Variants in DYNC2H1 observed in about 807,000 individuals in gnomAD.
DYNC2H1 encodes dynein cytoplasmic 2 heavy chain 1.
DYNC2H1 carries 410 observed loss-of-function variants against 570.0 expected under a neutral mutation model. The ratio of observed to expected loss-of-function variants is 0.72; its 90% confidence interval spans 0.66 to 0.78. DYNC2H1 has a LOEUF of 0.78. Ranked by LOEUF, DYNC2H1 falls within the 30% of genes least tolerant of loss-of-function variation. The pLI, the probability that DYNC2H1 is intolerant of heterozygous loss-of-function variation, is 0.00. For missense variants in DYNC2H1, 4,865 were observed against 5,046.4 expected, an observed-to-expected ratio of 0.96 and a Z score of 1.09; for synonymous variants, 1,688 against 1,677.6, an observed-to-expected ratio of 1.01 and a Z score of -0.15.
chr11:103,356,181 A>G (rs1292699499), intron 82 of DYNC2H1, among the ~76,000 whole-genome samples: 1 of 152,222 alleles, frequency 6.6e-6, no homozygotes, highest in Admixed American at 6.5e-5. Context: ...TAACTGGCTT[A>G]AAATATGAAA....
chr11:103,468,416 G>A (rs1565626183), intron 87 of DYNC2H1, 173 bp from the exon 88 acceptor site: 2 of 464,798 alleles, frequency 4.3e-6, no homozygotes, highest in East Asian at 6.7e-5. Context: ...AGTTGACAGT[G>A]AACACTAGTC....
At chr11:103,397,673 T>C (rs964492961) in intron 83 of DYNC2H1, among the ~76,000 whole-genome samples, 1 of 152,142 alleles carries the variant, frequency 6.6e-6, no homozygotes, top group Non-Finnish European at 1.5e-5. Context: ...GACAGGTTGA[T>C]CACTTGAGTC....
chr11:103,303,788 G>T (rs1043135193), intron 76 of DYNC2H1, among the ~76,000 whole-genome samples: 5 of 152,098 alleles, frequency 3.3e-5, no homozygotes, highest in African/African-American at 1.2e-4. Context: ...AAGTCTGATG[G>T]TAATTTAAGG....
At position 103,204,099 on chromosome 11, in the gene DYNC2H1, T is replaced by G. The variant is rs533409193; in HGVS notation, c.8311+323T>G. Reference sequence around the variant, plus strand: ...AAGGAGGAGCAAGTCATATTTTACATGGATGGCAGCAAGCAAAGGAGGGCT... The same window carrying G: ...AAGGAGGAGCAAGTCATATTTTACAGGGATGGCAGCAAGCAAAGGAGGGCT... On this transcript the variant is annotated intron_variant, in intron 51 of 88. Transcript: ENST00000375735. The surrounding 1 kb of genome is among the most constrained non-coding windows in gnomAD (Gnocchi z 4.1). Among the ~76,000 whole-genome samples, 142 of 152,150 alleles carry G rather than the reference T, an allele frequency of 9.3e-4. 1 individual carries two copies. The highest frequency in any genetic ancestry group is 3.3e-3 in the African/African-American group (138 of 41,508).
chr11:103,390,486 A>G (rs1283338534), intron 83 of DYNC2H1, among the ~76,000 whole-genome samples: 1 of 152,100 alleles, frequency 6.6e-6, no homozygotes, highest in African/African-American at 2.4e-5. Context: ...TGGAGCATTT[A>G]GCCCATTTAC....
intron 77 of DYNC2H1, among the ~76,000 whole-genome samples, chr11:103,307,517 A>C (rs1379560538): frequency 6.6e-6 from 1 of 152,190 alleles, no homozygotes; most frequent in African/African-American, 2.4e-5. Flanking sequence ...CCCAGTCAAC[A>C]TGACTTTAGA....
At position 103,209,774 on chromosome 11, in the gene DYNC2H1, G is replaced by A; in HGVS notation, c.8455-102G>A. The A allele has an allele frequency of 1.1e-6, 1 of 873,600 alleles. No individual in the cohort carries two copies. The highest frequency in any genetic ancestry group is 1.5e-6 in the Non-Finnish European group (1 of 646,332). 54.1% of individuals were successfully genotyped at this position (873,600 alleles called of 1,614,324 possible). ...GTCTCTTAGTCTGGAATGAATCCTA[G>A]AAGAAAAGTACAATCAATACTGACT... On this transcript the variant is annotated intron_variant, in intron 52 of 88. Transcript: ENST00000375735. The surrounding 1 kb of genome is among the most constrained non-coding windows in gnomAD (Gnocchi z 4.2).
In DYNC2H1 at chr11:103,158,811, C is replaced by T. The variant is rs1040600691; in HGVS notation, c.4260+2C>T. 6.8e-7 allele frequency: 1 copy of T among 1,462,016 alleles called. No homozygotes were observed. The highest frequency in any genetic ancestry group is 2.5e-5 in the Admixed American group (1 of 39,664). 90.6% of individuals were successfully genotyped at this position (1,462,016 alleles called of 1,614,324 possible). A position where few individuals can be genotyped will look rare whatever the true frequency, so the allele number is the denominator to read the frequency against. Reference sequence around the variant, plus strand: ...AAATCATTAAATGAATTTTTGGAGGCATGTTTTTTAAGAAAAAAATATATA... The same window carrying T: ...AAATCATTAAATGAATTTTTGGAGGTATGTTTTTTAAGAAAAAAATATATA... On this transcript the variant is annotated splice_donor_variant, in intron 27 of 88. Transcript: ENST00000375735. LOFTEE classifies it low-confidence loss of function (GC_TO_GT_DONOR).
rs549434654 is a variant in DYNC2H1 at position 103,254,916 on chromosome 11, C to T, written c.10207-499C>T. Among the ~76,000 whole-genome samples the T allele has an allele frequency of 5.9e-5, 9 of 151,946 alleles. No homozygotes were observed. Among genetic ancestry groups the T allele is most frequent in the Non-Finnish European group, 8.8e-5 (6 of 67,952 alleles). On this transcript the variant is annotated intron_variant, in intron 66 of 88. Coordinates refer to ENST00000375735, the MANE Select transcript of DYNC2H1 (RefSeq NM_001377.3). The surrounding 1 kb of genome is among the most constrained non-coding windows in gnomAD (Gnocchi z 4.9). ...CCTCCCGAGTAGCTGGGATTACAGG[C>T]GCCCACCACCACGCCTGGCTAATTT...
rs528547197 is a variant in DYNC2H1 at position 103,192,011 on chromosome 11, C to T, written c.7541-86C>T. On this transcript the variant is annotated intron_variant, in intron 46 of 88. Coordinates refer to ENST00000375735, the MANE Select transcript of DYNC2H1 (RefSeq NM_001377.3). ...TGATGCCAAAATTATGGTATGTAGA[C>T]ACCTGCTATTTCTTTCTAATTTTAT... 115 of 1,097,544 alleles carry T rather than the reference C, an allele frequency of 1.0e-4. No homozygotes were observed. In the African/African-American group the frequency reaches 1.3e-3, roughly 13 times the overall value. The allele number at this position is 1,097,544 out of a possible 1,614,324, so 68.0% of individuals were successfully genotyped here. A position where few individuals can be genotyped will look rare whatever the true frequency, so the allele number is the denominator to read the frequency against.
chr11:103,338,896 G>A lies in DYNC2H1; in HGVS notation c.12039+14906G>A, dbSNP rs1029573841. Among the ~76,000 whole-genome samples the A allele has an allele frequency of 5.9e-5, 9 of 152,168 alleles. No homozygotes were observed. In the South Asian group the frequency reaches 1.7e-3, roughly 28 times the overall value. ...GCTTATGGACATTCATCATTGTCTG[G>A]GCATTTAAGTGTTAGATATTTATTT... On this transcript the variant is annotated intron_variant, in intron 82 of 88. Coordinates refer to ENST00000375735, the MANE Select transcript of DYNC2H1 (RefSeq NM_001377.3).
Position 103,211,948 on chromosome 11 carries a change from A to G in DYNC2H1, c.8694+5A>G, listed in dbSNP as rs747497966. 6 of 1,502,718 alleles carry G rather than the reference A, an allele frequency of 4.0e-6. No individual in the cohort carries two copies. The highest frequency in any genetic ancestry group is 5.3e-6 in the Non-Finnish European group (6 of 1,126,078). The allele number at this position is 1,502,718 out of a possible 1,614,324, so 93.1% of individuals were successfully genotyped here. ...AAAAGACAAAGTCATTTGCAGGTATAGTATTGGTAATCTTGAATTATTTTA... is the reference window on the plus strand; with the variant it reads ...AAAAGACAAAGTCATTTGCAGGTATGGTATTGGTAATCTTGAATTATTTTA... On this transcript the variant is annotated splice_donor_5th_base_variant and intron_variant, in intron 54 of 88. Transcript: ENST00000375735.
In DYNC2H1 at chr11:103,459,500, A is replaced by G. The variant is rs578080871; in HGVS notation, c.12648+3144A>G. Among the ~76,000 whole-genome samples the G allele has an allele frequency of 6.6e-4, 101 of 151,978 alleles. 1 individual carries two copies. The highest frequency in any genetic ancestry group is 2.3e-3 in the African/African-American group (95 of 41,386). ...CGTTACATAATAAGCATTCGATCAA[A>G]CCCTTTCTGAAGGGTTGAGCGCCTA... On this transcript the variant is annotated intron_variant, in intron 87 of 88. Coordinates refer to ENST00000375735, the MANE Select transcript of DYNC2H1 (RefSeq NM_001377.3).
At chr11:103,272,183 T>A (rs868659558) in intron 70 of DYNC2H1, among the ~76,000 whole-genome samples, 9 of 152,324 alleles carry the variant, frequency 5.9e-5, no homozygotes, top group Middle Eastern at 6.8e-3. Context: ...CAAATGTCCA[T>A]CAGTGATAGA....
chr11:103,456,938 T>C (rs1292566050), intron 87 of DYNC2H1, among the ~76,000 whole-genome samples: 1 of 152,212 alleles, frequency 6.6e-6, no homozygotes. Flanking sequence ...GAATTTGGTG[T>C]TTAGACTTGG....
At chr11:103,122,233 G>A (rs1056131278) in intron 10 of DYNC2H1, among the ~76,000 whole-genome samples, 1 of 152,172 alleles carries the variant, frequency 6.6e-6, no homozygotes, top group African/African-American at 2.4e-5. Flanking sequence ...GTGAGTAAGA[G>A]CAAGACCTCA....
In DYNC2H1 at chr11:103,324,845, C is replaced by T. The variant is rs916705943; in HGVS notation, c.12039+855C>T. ...TTCCCACCAGTGGTGTGTAAGCATT[C>T]CCTTTTCTCTGCAACCTTGCCAGCA... On this transcript the variant is annotated intron_variant, in intron 82 of 88. Coordinates refer to ENST00000375735, the MANE Select transcript of DYNC2H1 (RefSeq NM_001377.3). This position sits in a 1 kb window ranked among gnomAD's most constrained non-coding sequence, Gnocchi z 5.2. Among the ~76,000 whole-genome samples, 2 of 152,142 alleles carry T rather than the reference C, an allele frequency of 1.3e-5. No homozygotes were observed. Among genetic ancestry groups the T allele is most frequent in the Non-Finnish European group, 2.9e-5 (2 of 68,014 alleles).
At chr11:103,114,032 G>C (rs1858247770) in intron 2 of DYNC2H1, 71 bp from the exon 3 acceptor site, 9 of 1,556,074 alleles carry the variant, frequency 5.8e-6, no homozygotes, top group Non-Finnish European at 7.8e-6. Flanking sequence ...GTTTTGGACA[G>C]TGTTTTGGGA....
At position 103,154,476 on chromosome 11, in the gene DYNC2H1, G is replaced by T; in HGVS notation, c.3328G>T (p.Glu1110Ter). The T allele has an allele frequency of 6.5e-7, 1 of 1,548,794 alleles. No homozygotes were observed. Among genetic ancestry groups the T allele is most frequent in the Admixed American group, 2.1e-5 (1 of 47,834 alleles). The change falls in exon 23 of 89, where the codon GAA becomes TAA. Residue 1110 changes from glutamate (E) to a stop codon, truncating the protein, a stop_gained. Transcript: ENST00000375735. LOFTEE classifies it high-confidence loss of function. ...LVDDCHHFRL[E>*]EPNFSLASSI... is the part of the protein sequence containing the mutation. ...TGATGATTGCCATCATTTTAGACTG[G>T]AAGAGCCTAATTTCTCCCTGGCAAG...
Sources: allele counts gnomAD v4.1 joint callset (sites outside exome capture counted in the v4.1 genomes callset), GRCh38; gene constraint gnomAD v4.1.1; non-coding constraint Gnocchi (gnomAD v3.1); transcripts MANE v1.5; gene names NCBI Gene and HGNC (gene_info 2026-07-23, HGNC 2026-07-21).